The following NEDD4 variants were observed in gnomAD, a reference collection of about 807,000 sequenced individuals.
NEDD4 encodes the protein E3 ubiquitin-protein ligase NEDD4.
A neutral mutation model predicts 144.9 loss-of-function variants in NEDD4; 99 were observed. The observed-to-expected ratio is 0.68, with a 90% CI of 0.58 to 0.81. The LOEUF is 0.81. NEDD4 is among the 30% of genes least tolerant of loss of function. NEDD4 has a pLI of 0.00. For missense variants in NEDD4, 985 were observed against 1,065.9 expected (o/e 0.92, Z 1.06); for synonymous variants, 318 against 350.6 (o/e 0.91, Z 1.04).
chr15:55,993,597 C>A lies in NEDD4; in HGVS notation c.-42G>T. On this transcript the variant is annotated 5_prime_UTR_variant, in exon 1 of 29. Transcript: ENST00000435532. ...CAAACCGGACGCGCTCGCCCCCGCC[C>A]AGGGCAGGCAACTGTGGAGGAGGAG... 1 of 1,583,742 alleles carries A rather than the reference C, an allele frequency of 6.3e-7. No homozygotes were observed. The highest frequency in any genetic ancestry group is 1.8e-5 in the Admixed American group (1 of 56,006).
At chr15:55,898,531 T>C (rs558247778) in intron 5 of NEDD4, among the ~76,000 whole-genome samples, 2 of 152,266 alleles carry the variant, frequency 1.3e-5, no homozygotes, top group African/African-American at 4.8e-5. Flanking sequence ...TCTTTAATAA[T>C]TTCAAAACAT....
chr15:55,924,535 T>A (rs182005156), intron 5 of NEDD4, 111 bp downstream of exon 5: 5 of 911,404 alleles, frequency 5.5e-6, no homozygotes, highest in Non-Finnish European at 6.9e-6. Context: ...AGAGTCTCCA[T>A]AACCACCCCC....
intron 1 of NEDD4, among the ~76,000 whole-genome samples, chr15:55,974,191 C>T (rs1290468672): frequency 1.3e-5 from 2 of 152,068 alleles, no homozygotes; most frequent in African/African-American, 4.8e-5. Flanking sequence ...AATTCCTATA[C>T]ACATACAACC....
intron 12 of NEDD4, 24 bp downstream of exon 12, chr15:55,856,107 T>C: frequency 4.4e-6 from 7 of 1,591,288 alleles, no homozygotes; most frequent in Non-Finnish European, 5.2e-6. Context: ...TTTTTATTGA[T>C]TGATGGGAGA....
chr15:55,971,675 T>C (rs754708734), intron 1 of NEDD4, among the ~76,000 whole-genome samples: 2 of 147,190 alleles, frequency 1.4e-5, no homozygotes, highest in Non-Finnish European at 3.0e-5. Flanking sequence ...GCAAGAGAGA[T>C]TGGGGTAAAA....
chr15:55,966,069 A>G (rs2037507311), intron 2 of NEDD4, among the ~76,000 whole-genome samples: 1 of 152,116 alleles, frequency 6.6e-6, no homozygotes, highest in African/African-American at 2.4e-5. Flanking sequence ...AGTATCAGGA[A>G]CTCACTCAGT....
rs867189391 is a variant in NEDD4 at position 55,903,845 on chromosome 15, C to T, written c.291+20801G>A. Reference sequence around the variant, plus strand: ...ATCTCAAAAAAAAAAAAAAAACACACATATATATATATATATATATATACA... The same window carrying T: ...ATCTCAAAAAAAAAAAAAAAACACATATATATATATATATATATATATACA... On this transcript the variant is annotated intron_variant, in intron 5 of 28. Coordinates refer to ENST00000435532, the MANE Select transcript of NEDD4 (RefSeq NM_006154.4). Among the ~76,000 whole-genome samples, 235 of 122,304 alleles carry T rather than the reference C, an allele frequency of 1.9e-3. 3 individuals carry two copies. The East Asian group carries it at 0.021, about 11-fold the overall frequency. The allele number at this position is 122,304 out of a possible 152,430, so 80.2% of individuals were successfully genotyped here. A position where few individuals can be genotyped will look rare whatever the true frequency, so the allele number is the denominator to read the frequency against.
intron 28 of NEDD4, 112 bp downstream of exon 28, chr15:55,830,402 C>G (rs1242198109): frequency 1.0e-6 from 1 of 955,310 alleles, no homozygotes; most frequent in Non-Finnish European, 1.7e-6. Flanking sequence ...TACCCATAAT[C>G]CATACCTGCC....
intron 2 of NEDD4, 88 bp from the exon 3 acceptor site, chr15:55,951,677 T>C (rs2037243924): frequency 1.0e-6 from 1 of 998,044 alleles, no homozygotes; most frequent in South Asian, 2.6e-5. Flanking sequence ...ATTCACAGTT[T>C]TCCTTGTTAG....
chr15:55,854,777 A>T (rs1410793487), intron 12 of NEDD4, among the ~76,000 whole-genome samples: 12 of 152,122 alleles, frequency 7.9e-5, no homozygotes, highest in Admixed American at 5.2e-4. Context: ...GAAAGCTCTT[A>T]AAAAAAACCC....
At chr15:55,862,749 C>T (rs2034452359) in intron 9 of NEDD4, among the ~76,000 whole-genome samples, 164 bp downstream of exon 9, 1 of 152,114 alleles carries the variant, frequency 6.6e-6, no homozygotes, top group Non-Finnish European at 1.5e-5. Context: ...AAAAACGAAA[C>T]AGCAGAGTTA....
Position 55,852,427 on chromosome 15 carries a change from T to C in NEDD4, c.1143A>G (p.Val381=), listed in dbSNP as rs1375345521. The change falls in exon 13 of 29, where the codon GTA becomes GTG. Residue 381 remains valine (V), a synonymous_variant. Coordinates refer to ENST00000435532, the MANE Select transcript of NEDD4 (RefSeq NM_006154.4). Reference sequence around the variant, plus strand: ...AAGTTGATAGATTACAGGATACCTGTACAGTGGGCTTTGTCCAAGTAGTCG... The same window carrying C: ...AAGTTGATAGATTACAGGATACCTGCACAGTGGGCTTTGTCCAAGTAGTCG... ...SRTTTWTKPT[V]QATVETSQLT... 1 of 1,611,332 alleles carries C rather than the reference T, an allele frequency of 6.2e-7. No homozygotes were observed. The highest frequency in any genetic ancestry group is 1.1e-5 in the South Asian group (1 of 90,700).
chr15:55,832,871 G>A, intron 27 of NEDD4, 137 bp downstream of exon 27: 1 of 605,528 alleles, frequency 1.7e-6, no homozygotes, highest in Non-Finnish European at 2.9e-6. Flanking sequence ...GTCCCTAATG[G>A]TATCACTTTC....
At chr15:55,860,301 T>C (rs2034347709) in intron 11 of NEDD4, 106 bp downstream of exon 11, 3 of 1,101,090 alleles carry the variant, frequency 2.7e-6, no homozygotes, top group South Asian at 3.1e-5. Context: ...TATTATTACA[T>C]ATTATTGCAT....
chr15:55,980,911 T>A (rs1388477245), intron 1 of NEDD4, among the ~76,000 whole-genome samples: 1 of 151,944 alleles, frequency 6.6e-6, no homozygotes, highest in Non-Finnish European at 1.5e-5. Context: ...AAACAAAAAA[T>A]GTGAAATAAA....
intron 5 of NEDD4, among the ~76,000 whole-genome samples, chr15:55,890,305 C>A (rs569619167): frequency 6.6e-6 from 1 of 152,118 alleles, no homozygotes; most frequent in Non-Finnish European, 1.5e-5. Flanking sequence ...AATTTTAGAA[C>A]ATTTTCATCA....
chr15:55,922,870 A>G (rs2036594516), intron 5 of NEDD4, among the ~76,000 whole-genome samples: 1 of 152,168 alleles, frequency 6.6e-6, no homozygotes, highest in African/African-American at 2.4e-5. Flanking sequence ...TTGTCTTATT[A>G]TTTAAAATAT....
chr15:55,915,808 G>T (rs370701101), intron 5 of NEDD4: 38 of 1,613,584 alleles, frequency 2.4e-5, no homozygotes, highest in Non-Finnish European at 3.1e-5. Context: ...TGAAGCGGCC[G>T]TATGTCTCTT....
chr15:55,954,732 C>G (rs1367308550), intron 2 of NEDD4, among the ~76,000 whole-genome samples: 1 of 152,174 alleles, frequency 6.6e-6, no homozygotes, highest in Non-Finnish European at 1.5e-5. Context: ...CTGTGTTGGT[C>G]AGGCTGGTCT....
Sources: gnomAD v4.1 joint callset for allele counts (sites outside exome capture counted in the v4.1 genomes callset) on GRCh38, gnomAD v4.1.1 for gene constraint, MANE v1.5 for transcripts, NCBI Gene and HGNC (gene_info 2026-07-23, HGNC 2026-07-21) for gene names.